Variants in RAD51B observed in about 807,000 individuals in gnomAD.
RAD51B encodes the protein DNA repair protein RAD51 homolog 2.
A neutral mutation model predicts 42.2 loss-of-function variants in RAD51B; 38 were observed. That is an observed-to-expected ratio of 0.90 (90% CI 0.70 to 1.18). RAD51B has a LOEUF of 1.18. Among genes scored for constraint, RAD51B ranks in the 50% most tolerant of loss-of-function variants. RAD51B has a pLI of 0.00. For missense variants in RAD51B, 373 were observed against 400.7 expected (o/e 0.93, Z 0.59); for synonymous variants, 154 against 145.2 (o/e 1.06, Z -0.43).
At chr14:68,287,001 G>A (rs2081426220) in intron 7 of RAD51B, among the ~76,000 whole-genome samples, 1 of 152,118 alleles carries the variant, frequency 6.6e-6, no homozygotes, top group Non-Finnish European at 1.5e-5. Context: ...TGTGTGTGTT[G>A]TGTGTGTGTT....
intron 7 of RAD51B, among the ~76,000 whole-genome samples, chr14:68,094,504 A>G (rs536829689): frequency 6.6e-6 from 1 of 152,378 alleles, no homozygotes; most frequent in South Asian, 2.1e-4. Flanking sequence ...AAACACACAC[A>G]CATATATGTA....
intron 7 of RAD51B, among the ~76,000 whole-genome samples, chr14:68,180,696 T>C (rs2079046050): frequency 6.6e-6 from 1 of 152,184 alleles, no homozygotes; most frequent in Non-Finnish European, 1.5e-5. Context: ...TCTGCTTCTC[T>C]AAGTAGCTGG....
intron 7 of RAD51B, among the ~76,000 whole-genome samples, chr14:68,129,414 T>C (rs564296360): frequency 1.2e-3 from 180 of 152,278 alleles, no homozygotes; most frequent in African/African-American, 4.1e-3. Context: ...TAACATCAAT[T>C]TGGTAGTTTA....
chr14:68,198,700 A>G (rs996033145), intron 7 of RAD51B, among the ~76,000 whole-genome samples: 12 of 152,208 alleles, frequency 7.9e-5, no homozygotes, highest in Non-Finnish European at 1.6e-4. Context: ...TATTAAGTCA[A>G]TAATAGATAC....
At chr14:68,358,529 C>T (rs2082954234) in intron 8 of RAD51B, among the ~76,000 whole-genome samples, 1 of 152,234 alleles carries the variant, frequency 6.6e-6, no homozygotes, top group Admixed American at 6.5e-5. Context: ...TACACTGCAG[C>T]TAATTTTTTT....
rs142406470 is a variant in RAD51B at position 68,067,873 on chromosome 14, G to A, written c.756+180669G>A. ...CTCGAACCCAGGAGGCAGAGGTTGC[G>A]GTGAGTCATGATCATGCCACTGCAC... On this transcript the variant is annotated intron_variant, in intron 7 of 10. Coordinates refer to ENST00000471583, the MANE Select transcript of RAD51B (RefSeq NM_133510.4). Among the ~76,000 whole-genome samples, 440 of 148,510 alleles carry A rather than the reference G, an allele frequency of 3.0e-3. 2 individuals are homozygous for A. Among genetic ancestry groups the A allele is most frequent in the African/African-American group, 0.011 (422 of 40,124 alleles).
chr14:68,552,962 G>C (rs942000318), intron 10 of RAD51B, among the ~76,000 whole-genome samples: 4 of 152,206 alleles, frequency 2.6e-5, no homozygotes, highest in African/African-American at 9.6e-5. Context: ...TGTGCTTATA[G>C]TAGAAATTTC....
chr14:68,525,238 G>A (rs1594941935), intron 10 of RAD51B, among the ~76,000 whole-genome samples: 1 of 152,232 alleles, frequency 6.6e-6, no homozygotes, highest in African/African-American at 2.4e-5. Flanking sequence ...GCTGGAAAAG[G>A]CAAGCAAATG....
At chr14:68,059,357 C>T (rs116270313) in intron 7 of RAD51B, among the ~76,000 whole-genome samples, 3 of 152,320 alleles carry the variant, frequency 2.0e-5, no homozygotes, top group Non-Finnish European at 2.9e-5. Context: ...TTCTTACCCA[C>T]GCCTAGAGTT....
chr14:68,607,690 G>C (rs140671641), intron 10 of RAD51B, among the ~76,000 whole-genome samples: 1 of 152,298 alleles, frequency 6.6e-6, no homozygotes, highest in African/African-American at 2.4e-5. Flanking sequence ...AAGCCTTTGT[G>C]TCTTCCTCTT....
chr14:68,119,972 C>T (rs938241689), intron 7 of RAD51B, among the ~76,000 whole-genome samples: 3 of 151,898 alleles, frequency 2.0e-5, no homozygotes, highest in Admixed American at 6.6e-5. Flanking sequence ...ACATCCTCTC[C>T]AGCACCTGTT....
chr14:68,126,998 G>A (rs978124521), intron 7 of RAD51B, among the ~76,000 whole-genome samples: 3 of 152,132 alleles, frequency 2.0e-5, no homozygotes, highest in Non-Finnish European at 4.4e-5. Context: ...AAGCTAATGA[G>A]CCACCTCAGA....
At chr14:68,552,170 C>T (rs1002497612) in intron 10 of RAD51B, among the ~76,000 whole-genome samples, 2 of 152,184 alleles carry the variant, frequency 1.3e-5, no homozygotes, top group Admixed American at 6.5e-5. Flanking sequence ...GGCCAGTGCT[C>T]GAAACCGCTG....
chr14:68,367,493 A>T (rs2083166380), intron 8 of RAD51B, among the ~76,000 whole-genome samples: 1 of 152,212 alleles, frequency 6.6e-6, no homozygotes, highest in African/African-American at 2.4e-5. Context: ...GGATATAAAA[A>T]AGTATAAAGT....
intron 7 of RAD51B, among the ~76,000 whole-genome samples, chr14:67,988,046 A>C (rs926946099): frequency 2.1e-4 from 32 of 152,240 alleles, no homozygotes; most frequent in African/African-American, 7.2e-4. Flanking sequence ...ACCCAATAAC[A>C]ACCAACAAAC....
At chr14:68,140,539 C>T (rs1300265467) in intron 7 of RAD51B, among the ~76,000 whole-genome samples, 1 of 152,214 alleles carries the variant, frequency 6.6e-6, no homozygotes, top group East Asian at 1.9e-4. Flanking sequence ...GGCTTGCCAG[C>T]CACAACTCAT....
At chr14:68,236,665 A>G (rs2080264465) in intron 7 of RAD51B, 1 of 152,240 alleles carries the variant, frequency 6.6e-6, no homozygotes, top group Non-Finnish European at 1.5e-5. Flanking sequence ...CTTCTTCTAC[A>G]TATGACTAAC....
Position 67,953,745 on chromosome 14 carries a change from A to G in RAD51B, c.756+66541A>G, listed in dbSNP as rs544738381. 3.3e-3 allele frequency among the ~76,000 whole-genome samples: 510 copies of G among 152,262 alleles called. 6 individuals carry two copies. The highest frequency in any genetic ancestry group is 0.012 in the African/African-American group (479 of 41,554). ...TTGTATGTGGGAAGTGAGGGATAAG[A>G]GAATTGGAACAATATTTGCATCTGA... On this transcript the variant is annotated intron_variant, in intron 7 of 10. Coordinates refer to ENST00000471583, the MANE Select transcript of RAD51B (RefSeq NM_133510.4).
chr14:68,413,722 G>GA (rs1189545971), intron 9 of RAD51B, among the ~76,000 whole-genome samples: 1 of 152,116 alleles, frequency 6.6e-6, no homozygotes, highest in Non-Finnish European at 1.5e-5. Flanking sequence ...CTTATTTTAT[G>GA]AAAAACCATA....
Sources: allele counts gnomAD v4.1 joint callset (sites outside exome capture counted in the v4.1 genomes callset), GRCh38; gene constraint gnomAD v4.1.1; transcripts MANE v1.5; gene names NCBI Gene and HGNC (gene_info 2026-07-23, HGNC 2026-07-21).